TM9SF4: variants seen among roughly 807,000 people sequenced by gnomAD.
The protein encoded by TM9SF4 is transmembrane 9 superfamily member 4.
In TM9SF4, 26 loss-of-function variants were observed where a neutral mutation model predicts 90.4. That is an observed-to-expected ratio of 0.29 (90% confidence interval 0.21 to 0.40). TM9SF4 has a LOEUF of 0.40. TM9SF4 is among the 10% of genes least tolerant of loss of function. TM9SF4 has a pLI of 1.00. For synonymous variants in TM9SF4, 293 were observed against 315.4 expected, an observed-to-expected ratio of 0.93 and a Z score of 0.75; for missense variants, 549 against 834.8, an observed-to-expected ratio of 0.66 and a Z score of 4.22.
chr20:32,146,418 T>G (rs2122424746), intron 8 of TM9SF4, among the ~76,000 whole-genome samples: 1 of 152,002 alleles, frequency 6.6e-6, no homozygotes, highest in Non-Finnish European at 1.5e-5. Flanking sequence ...GAGAACATAG[T>G]GAGGCCAGGA....
chr20:32,126,501 G>A (rs535148804), intron 1 of TM9SF4, among the ~76,000 whole-genome samples: 1 of 152,108 alleles, frequency 6.6e-6, no homozygotes, highest in South Asian at 2.1e-4. Flanking sequence ...TCTTAGATTT[G>A]CACTCCTTCC....
chr20:32,149,798 G>A (rs200870015), intron 10 of TM9SF4, 32 bp downstream of exon 10: 34 of 1,609,266 alleles, frequency 2.1e-5, no homozygotes, highest in Non-Finnish European at 5.1e-6. Context: ...GGGCATGGGG[G>A]CATGGCTTCC....
chr20:32,131,428 GCCT>G (rs1426560678), intron 1 of TM9SF4, among the ~76,000 whole-genome samples: 1 of 152,034 alleles, frequency 6.6e-6, no homozygotes, highest in Non-Finnish European at 1.5e-5. Context: ...TTTTTGGCAA[GCCT>G]CCTCAGTGAT....
intron 1 of TM9SF4, among the ~76,000 whole-genome samples, chr20:32,126,700 G>A (rs1399348903): frequency 6.6e-6 from 1 of 151,858 alleles, no homozygotes; most frequent in Non-Finnish European, 1.5e-5. Flanking sequence ...CTGACACACA[G>A]TAGGTGCTCA....
At chr20:32,117,487 C>T (rs1050959731) in intron 1 of TM9SF4, among the ~76,000 whole-genome samples, 1 of 152,172 alleles carries the variant, frequency 6.6e-6, no homozygotes, top group African/African-American at 2.4e-5. Context: ...CTCAGGGAAA[C>T]TTCCTGTTTT....
chr20:32,139,397 A>G (rs1053480132), intron 3 of TM9SF4, among the ~76,000 whole-genome samples: 1 of 151,978 alleles, frequency 6.6e-6, no homozygotes, highest in African/African-American at 2.4e-5. Flanking sequence ...CCTAATATGC[A>G]CCATCCCTCA....
chr20:32,159,886 T>C (rs1197120427), intron 15 of TM9SF4, 106 bp from the exon 16 acceptor site: 1 of 1,495,400 alleles, frequency 6.7e-7, no homozygotes, highest in Non-Finnish European at 9.2e-7. Context: ...CGGGCCCTGA[T>C]GGTGTCATGA....
intron 1 of TM9SF4, among the ~76,000 whole-genome samples, chr20:32,121,933 AC>A (rs540061370): frequency 6.5e-5 from 7 of 107,410 alleles, no homozygotes; most frequent in South Asian, 3.5e-4. Flanking sequence ...CGGGGGGCTG[AC>A]CCCCCCCAGC....
At chr20:32,128,939 C>T (rs1402643721) in intron 1 of TM9SF4, among the ~76,000 whole-genome samples, 1 of 151,800 alleles carries the variant, frequency 6.6e-6, no homozygotes. Context: ...TCCTCCATAC[C>T]AAGCTAGGAT....
At chr20:32,130,703 C>T (rs2046497668) in intron 1 of TM9SF4, among the ~76,000 whole-genome samples, 1 of 152,184 alleles carries the variant, frequency 6.6e-6, no homozygotes, top group African/African-American at 2.4e-5. Context: ...CTATGAAACC[C>T]TCCCCTTTGT....
chr20:32,164,967 C>G (rs1172469753), intron 17 of TM9SF4, among the ~76,000 whole-genome samples: 13 of 152,184 alleles, frequency 8.5e-5, no homozygotes, highest in Non-Finnish European at 1.5e-5. Context: ...CCCACCCACT[C>G]CGACTGCTTC....
intron 10 of TM9SF4, among the ~76,000 whole-genome samples, 174 bp from the exon 11 acceptor site, chr20:32,150,448 C>T (rs1351467488): frequency 3.3e-5 from 5 of 152,228 alleles, no homozygotes; most frequent in African/African-American, 9.6e-5. Flanking sequence ...CCAGTCTTCC[C>T]CTGTAGAGGG....
chr20:32,115,840 G>GTCTCAC (rs2046213577), intron 1 of TM9SF4, among the ~76,000 whole-genome samples: 1 of 105,512 alleles, frequency 9.5e-6, no homozygotes, highest in Admixed American at 1.4e-4. Flanking sequence ...TTGAGACAGA[G>GTCTCAC]TCTCACTCTG....
rs1251189677 is a variant in TM9SF4 at position 32,167,053 on chromosome 20, CTT to C, written c.*1612_*1613del. The C allele has an allele frequency of 2.0e-5, 3 of 151,862 alleles. No homozygotes were observed. Among genetic ancestry groups the C allele is most frequent in the Admixed American group, 1.3e-4 (2 of 15,244 alleles). 9.4% of individuals were successfully genotyped at this position (151,862 alleles called of 1,614,324 possible). A position where few individuals can be genotyped will look rare whatever the true frequency, so the allele number is the denominator to read the frequency against. On this transcript the variant is annotated 3_prime_UTR_variant, in exon 18 of 18. Coordinates refer to ENST00000398022, the MANE Select transcript of TM9SF4 (RefSeq NM_014742.4). ...AAGCAGTAGAGAGCGATATTGGAGT[CTT>C]TTGTTCATTCAAATCTTGGATTTTT...
chr20:32,165,573 G>GAGTTAC lies in TM9SF4; in HGVS notation c.*130_*131insGTTACA. 1 of 1,178,488 alleles carries GAGTTAC rather than the reference G, an allele frequency of 8.5e-7. No individual in the cohort carries two copies. Among genetic ancestry groups the GAGTTAC allele is most frequent in the Non-Finnish European group, 1.2e-6 (1 of 833,666 alleles). 73.0% of individuals were successfully genotyped at this position (1,178,488 alleles called of 1,614,324 possible). The stretch of plus-strand genomic sequence containing the variant: ...TGTAACTCCTGGCACAGTGTTCCTG[G>GAGTTAC]ATCCTGGGGCTGCGTGGGGGGCGGG... On this transcript the variant is annotated 3_prime_UTR_variant, in exon 18 of 18. Transcript: ENST00000398022.
intron 1 of TM9SF4, among the ~76,000 whole-genome samples, chr20:32,110,422 A>G (rs1019120590): frequency 3.3e-5 from 5 of 152,052 alleles, no homozygotes; most frequent in Non-Finnish European, 5.9e-5. Flanking sequence ...TTGGTTCTCA[A>G]ACTTTACTGT....
chr20:32,151,578 C>CA (rs2046842053), intron 12 of TM9SF4, among the ~76,000 whole-genome samples: 1 of 152,180 alleles, frequency 6.6e-6, no homozygotes, highest in Non-Finnish European at 1.5e-5. Context: ...GTTCTGGCTG[C>CA]GACGCTTCTG....
intron 3 of TM9SF4, among the ~76,000 whole-genome samples, chr20:32,137,990 ACT>A (rs1202646225): frequency 2.6e-5 from 4 of 152,094 alleles, no homozygotes; most frequent in Admixed American, 2.6e-4. Context: ...AGCTTCTGTG[ACT>A]CTGATAGTAA....
At chr20:32,156,287 A>G (rs2046918859) in intron 13 of TM9SF4, among the ~76,000 whole-genome samples, 1 of 152,220 alleles carries the variant, frequency 6.6e-6, no homozygotes, top group South Asian at 2.1e-4. Flanking sequence ...AAGAGGATAA[A>G]GAAGAAAATG....
Sources: allele counts gnomAD v4.1 joint callset (sites outside exome capture counted in the v4.1 genomes callset), GRCh38; gene constraint gnomAD v4.1.1; transcripts MANE v1.5; gene names NCBI Gene and HGNC (gene_info 2026-07-23, HGNC 2026-07-21).